PRL: variants seen among roughly 807,000 people sequenced by gnomAD.
PRL encodes the protein decidual prolactin.
PRL carries 24 observed loss-of-function variants against 21.3 expected under a neutral mutation model. The ratio of observed to expected loss-of-function variants is 1.13; its 90% confidence interval spans 0.82 to 1.59. PRL has a LOEUF of 1.59. Among genes scored for constraint, PRL ranks in the 40% most tolerant of loss-of-function variants. PRL has a pLI of 0.00. For synonymous variants in PRL, 118 were observed against 115.7 expected (o/e 1.02, Z -0.13); for missense variants, 243 against 286.9 (o/e 0.85, Z 1.10).
In PRL at chr6:22,290,312, G is replaced by T; in HGVS notation, c.354C>A (p.Ser118=). ...CCAGATGATACAGAGGCTCATTCCA[G>T]GATCGCAATATGCTGACTATCAGGC... is the stretch of plus-strand genomic sequence containing the variant. ...FLSLIVSILR[S]WNEPLYHLVT... The change falls in exon 4 of 5, where the codon TCC becomes TCA. Residue 118 remains serine (S), a synonymous_variant. Coordinates refer to ENST00000306482, the MANE Select transcript of PRL (RefSeq NM_000948.6). 6.2e-7 allele frequency: 1 copy of T among 1,608,120 alleles called. No individual in the cohort carries two copies. The highest frequency in any genetic ancestry group is 8.5e-7 in the Non-Finnish European group (1 of 1,175,910).
At chr6:22,297,505 G>T (rs1047634631), upstream of PRL, 1 of 152,562 alleles carries the variant, frequency 6.6e-6, no homozygotes, top group African/African-American at 2.4e-5. Flanking sequence ...TAAGGATTGA[G>T]AAATCAGGAT....
intron 3 of PRL, among the ~76,000 whole-genome samples, chr6:22,292,129 A>G (rs72836186): frequency 0.011 from 1,712 of 152,330 alleles, 17 homozygotes; most frequent in Non-Finnish European, 0.017. Flanking sequence ...TGCAGGGGTC[A>G]GTCATGTAAC....
Position 22,287,297 on chromosome 6 carries a change from C to A in PRL, c.*105G>T. The A allele has an allele frequency of 1.7e-6, 2 of 1,158,104 alleles. No individual in the cohort carries two copies. Among genetic ancestry groups the A allele is most frequent in the Middle Eastern group, 2.2e-4 (1 of 4,638 alleles). The allele number at this position is 1,158,104 out of a possible 1,614,324, so 71.7% of individuals were successfully genotyped here. A position where few individuals can be genotyped will look rare whatever the true frequency, so the allele number is the denominator to read the frequency against. ...TCAGTTTTTATTTTTTAAGAGGAGA[C>A]CTGTTACACCCAAGCATGGATTCAA... is the stretch of plus-strand genomic sequence containing the variant. On this transcript the variant is annotated 3_prime_UTR_variant, in exon 5 of 5. Transcript: ENST00000306482.
intron 3 of PRL, among the ~76,000 whole-genome samples, chr6:22,290,565 T>A (rs965264634): frequency 2.0e-5 from 3 of 152,196 alleles, no homozygotes; most frequent in Non-Finnish European, 4.4e-5. Flanking sequence ...CCGGCTTATT[T>A]CAGTAACCAC....
chr6:22,299,306 G>A (rs1235100231), upstream of PRL, among the ~76,000 whole-genome samples: 1 of 152,184 alleles, frequency 6.6e-6, no homozygotes, highest in Non-Finnish European at 1.5e-5. Flanking sequence ...ATTGATTTAT[G>A]TCAAGTAGCT....
intron 1 of PRL, among the ~76,000 whole-genome samples, chr6:22,296,168 T>C (rs188431354): frequency 1.3e-5 from 2 of 152,318 alleles, no homozygotes; most frequent in Non-Finnish European, 2.9e-5. Flanking sequence ...TCTGAGTACA[T>C]TTATCTGCAC....
chr6:22,292,714 G>A, intron 2 of PRL, 69 bp from the exon 3 acceptor site: 1 of 1,227,454 alleles, frequency 8.1e-7, no homozygotes. Flanking sequence ...TCCATTAGCA[G>A]AATACTAATA....
In PRL at chr6:22,292,552, C is replaced by T. The variant is rs1761071685; in HGVS notation, c.298G>A (p.Ala100Thr). 1 of 1,613,956 alleles carries T rather than the reference C, an allele frequency of 6.2e-7. No individual in the cohort carries two copies. The highest frequency in any genetic ancestry group is 1.3e-5 in the African/African-American group (1 of 74,924). Residue 100 changes from alanine to threonine, a missense_variant, in exon 3 of 5, where the codon GCC becomes ACC. By Grantham distance (58) the Ala-to-Thr change is moderately conservative. Coordinates refer to ENST00000306482, the MANE Select transcript of PRL (RefSeq NM_000948.6). ...SLATPEDKEQ[A>T]QQMNQKDFLS... is the part of the protein sequence containing the mutation. ...GAAGGACTCACATTCATCTGTTGGG[C>T]TTGCTCCTTGTCTTCGGGGGTGGCA...
chr6:22,294,471 C>T lies in PRL; in HGVS notation c.142G>A (p.Asp48Asn). 6.2e-7 allele frequency: 1 copy of T among 1,614,146 alleles called. No homozygotes were observed. The highest frequency in any genetic ancestry group is 8.5e-7 in the Non-Finnish European group (1 of 1,180,024). The change falls in exon 2 of 5, where the codon GAC becomes AAC. Residue 48 changes from aspartate to asparagine, a missense_variant. By Grantham distance (23) the Asp-to-Asn change is conservative. Coordinates refer to ENST00000306482, the MANE Select transcript of PRL (RefSeq NM_000948.6). ...TAGTGGGACAGGACGACGGCGCGGT[C>T]AAACAGGTCTCGAAGGGTCACCTGG... ...RCQVTLRDLF[D>N]RAVVLSHYIH... is the part of the protein sequence containing the mutation.
At chr6:22,301,600 A>G (rs941981857), upstream of PRL, among the ~76,000 whole-genome samples, 7 of 152,092 alleles carry the variant, frequency 4.6e-5, no homozygotes, top group Admixed American at 2.6e-4. Flanking sequence ...CCCACTGCCA[A>G]TTTTTTTGCC....
intron 1 of PRL, 102 bp from the exon 2 acceptor site, chr6:22,294,686 A>C: frequency 1.5e-6 from 2 of 1,305,250 alleles, no homozygotes; most frequent in Non-Finnish European, 2.1e-6. Context: ...CACTGCCCTC[A>C]GCTGCCTGAT....
At chr6:22,299,036 A>G (rs1761233808), upstream of PRL, among the ~76,000 whole-genome samples, 1 of 152,202 alleles carries the variant, frequency 6.6e-6, no homozygotes, top group African/African-American at 2.4e-5. Flanking sequence ...GAATATTGAA[A>G]TATATAAATA....
upstream of PRL, among the ~76,000 whole-genome samples, chr6:22,302,159 A>G (rs1248445861): frequency 6.6e-6 from 1 of 152,178 alleles, no homozygotes; most frequent in Non-Finnish European, 1.5e-5. Flanking sequence ...AGTCAAGCTG[A>G]TTTTTTATCA....
intron 2 of PRL, 28 bp downstream of exon 2, chr6:22,294,381 G>A (rs1292698444): frequency 1.1e-5 from 18 of 1,613,266 alleles, no homozygotes; most frequent in Non-Finnish European, 1.4e-5. Flanking sequence ...GGCTCCTTCA[G>A]GGAGGAAGCC....
At chr6:22,297,591 A>G (rs1761204573), upstream of PRL, 1 of 152,384 alleles carries the variant, frequency 6.6e-6, no homozygotes, top group African/African-American at 2.4e-5. Flanking sequence ...TCTTTTTGAA[A>G]TACACATTTT....
intron 3 of PRL, 59 bp from the exon 4 acceptor site, chr6:22,290,412 C>T (rs1242650235): frequency 7.4e-7 from 1 of 1,351,784 alleles, no homozygotes; most frequent in Non-Finnish European, 9.8e-7. Flanking sequence ...GGGTTAGTTA[C>T]TTGTGATTTT....
upstream of PRL, among the ~76,000 whole-genome samples, chr6:22,299,908 A>G (rs1285582334): frequency 6.6e-6 from 1 of 152,204 alleles, no homozygotes; most frequent in Non-Finnish European, 1.5e-5. Context: ...AAGGGATATT[A>G]AAGAGTGAAA....
In PRL at chr6:22,287,427, C is replaced by T. The variant is rs779422396; in HGVS notation, c.659G>A (p.Arg220Gln). The change falls in exon 5 of 5, where the codon CGA becomes CAA. Residue 220 changes from arginine (R) to glutamine (Q), a missense_variant. Physicochemically the swap from Arg to Gln is conservative, Grantham distance 43. Coordinates refer to ENST00000306482, the MANE Select transcript of PRL (RefSeq NM_000948.6). ...TTAGCAGTTGTTGTTGTGGATGATT[C>T]GGCACTTCAGGAGCTTGAGATAATT... ...IDNYLKLLKC[R>Q]IIHNNNC 38 of 1,613,340 alleles carry T rather than the reference C, an allele frequency of 2.4e-5. No homozygotes were observed. Among genetic ancestry groups the T allele is most frequent in the Middle Eastern group, 3.3e-4 (2 of 6,078 alleles).
chr6:22,296,452 T>G lies in PRL; in HGVS notation c.28+503A>C, dbSNP rs556027500. ...CTTCACAATTGAAAGTTTCATCAGG[T>G]TGATTCAAGTTGGCCAATCCACATT... On this transcript the variant is annotated intron_variant, in intron 1 of 4. Coordinates refer to ENST00000306482, the MANE Select transcript of PRL (RefSeq NM_000948.6). 2.4e-4 allele frequency among the ~76,000 whole-genome samples: 37 copies of G among 152,310 alleles called. No homozygotes were observed. The South Asian group carries it at 2.9e-3, about 12-fold the overall frequency.
Sources: gnomAD v4.1 joint callset for allele counts (sites outside exome capture counted in the v4.1 genomes callset) on GRCh38, gnomAD v4.1.1 for gene constraint, MANE v1.5 for transcripts, NCBI Gene and HGNC (gene_info 2026-07-23, HGNC 2026-07-21) for gene names.